The following GABRB3 variants were observed in gnomAD, a reference collection of about 807,000 sequenced individuals.
The protein encoded by GABRB3 is gamma-aminobutyric acid receptor subunit beta-3.
Under a neutral mutation model 52.1 loss-of-function variants are expected in GABRB3, and 14 were observed. The observed-to-expected ratio is 0.27, with a 90% CI of 0.18 to 0.42. The LOEUF (loss-of-function observed/expected upper bound fraction) is 0.42, where lower values mean the gene tolerates loss of function less well. GABRB3 is among the 10% of genes least tolerant of loss of function. The pLI is 1.00. For synonymous variants in GABRB3, 260 were observed against 232.3 expected, an observed-to-expected ratio of 1.12 and a Z score of -1.08; for missense variants, 307 against 609.1, an observed-to-expected ratio of 0.50 and a Z score of 5.22.
intron 3 of GABRB3, among the ~76,000 whole-genome samples, chr15:26,622,595 C>A (rs1352680952): frequency 6.6e-6 from 1 of 152,236 alleles, no homozygotes; most frequent in Non-Finnish European, 1.5e-5. Flanking sequence ...AACATCCTCA[C>A]TTGTGGACAG....
intron 3 of GABRB3, among the ~76,000 whole-genome samples, chr15:26,705,366 A>T (rs1401248254): frequency 6.6e-6 from 1 of 152,168 alleles, no homozygotes; most frequent in Non-Finnish European, 1.5e-5. Flanking sequence ...GGCACACCTG[A>T]ATTTTGAAAA....
At chr15:26,616,846 A>T (rs1335863183) in intron 4 of GABRB3, among the ~76,000 whole-genome samples, 1 of 152,148 alleles carries the variant, frequency 6.6e-6, no homozygotes, top group East Asian at 1.9e-4. Context: ...ACAGTTGTGG[A>T]ATTTATTACA....
intron 3 of GABRB3, among the ~76,000 whole-genome samples, chr15:26,744,978 ATGG>A (rs1406651534): frequency 5.3e-5 from 8 of 152,204 alleles, no homozygotes; most frequent in African/African-American, 1.9e-4. Context: ...TGCAAGAAGC[ATGG>A]TGCTAGAGAG....
intron 3 of GABRB3, chr15:26,629,245 G>A (rs1892837328): frequency 1.5e-6 from 2 of 1,357,202 alleles, no homozygotes; most frequent in Admixed American, 2.7e-5. Context: ...CAGCGCGGAA[G>A]CTTGGCCCCG....
At chr15:26,576,653 A>G (rs573395233) in intron 6 of GABRB3, among the ~76,000 whole-genome samples, 14 of 152,296 alleles carry the variant, frequency 9.2e-5, no homozygotes, top group African/African-American at 3.1e-4. Flanking sequence ...GAAAGAAAAA[A>G]GAGAGAAGAG....
intron 3 of GABRB3, among the ~76,000 whole-genome samples, chr15:26,744,948 G>C (rs182042851): frequency 7.6e-4 from 115 of 152,242 alleles, no homozygotes; most frequent in Non-Finnish European, 1.4e-3. Flanking sequence ...AGCTTAATTG[G>C]CTCACAGTTC....
intron 4 of GABRB3, among the ~76,000 whole-genome samples, chr15:26,585,832 A>C (rs1030991305): frequency 3.3e-5 from 5 of 152,192 alleles, no homozygotes; most frequent in Admixed American, 3.3e-4. Context: ...TTCCAGACTC[A>C]CACCTTTCAA....
chr15:26,739,219 T>C (rs1890141179), intron 3 of GABRB3, among the ~76,000 whole-genome samples: 1 of 151,938 alleles, frequency 6.6e-6, no homozygotes, highest in South Asian at 2.1e-4. Context: ...CCGTCCTACA[T>C]CACACTCAGT....
intron 8 of GABRB3, among the ~76,000 whole-genome samples, chr15:26,554,685 G>C (rs571278368): frequency 1.2e-4 from 18 of 152,300 alleles, no homozygotes; most frequent in Admixed American, 9.8e-4. Flanking sequence ...CCGCGTCATG[G>C]GTGTGCATAT....
At chr15:26,758,664 G>T (rs1233318253) in intron 3 of GABRB3, among the ~76,000 whole-genome samples, 1 of 152,060 alleles carries the variant, frequency 6.6e-6, no homozygotes, top group African/African-American at 2.4e-5. Context: ...AATTCTCAGA[G>T]TTGATTCTAC....
chr15:26,589,776 C>T (rs947940256), intron 4 of GABRB3, among the ~76,000 whole-genome samples: 2 of 152,148 alleles, frequency 1.3e-5, no homozygotes, highest in Admixed American at 6.5e-5. Context: ...GTACCTAGAA[C>T]GGCAGCAACC....
intron 3 of GABRB3, among the ~76,000 whole-genome samples, chr15:26,760,805 G>A (rs75831356): frequency 6.8e-4 from 12 of 17,660 alleles, no homozygotes; most frequent in East Asian, 8.1e-3. Context: ...ACACACACGC[G>A]CACGCACACA....
chr15:26,760,693 TGATA>T (rs1210846943), intron 3 of GABRB3, among the ~76,000 whole-genome samples: 2 of 151,980 alleles, frequency 1.3e-5, no homozygotes, highest in Non-Finnish European at 2.9e-5. Context: ...ATTGATTGAT[TGATA>T]TAGATACAGA....
intron 3 of GABRB3, among the ~76,000 whole-genome samples, chr15:26,689,459 G>T (rs1001818069): frequency 2.6e-5 from 4 of 152,164 alleles, no homozygotes; most frequent in Admixed American, 1.3e-4. Flanking sequence ...TGCAGAGTGA[G>T]GTGGTCAAGT....
intron 3 of GABRB3, among the ~76,000 whole-genome samples, chr15:26,740,832 T>G (rs1268634786): frequency 6.6e-6 from 1 of 152,152 alleles, no homozygotes; most frequent in Non-Finnish European, 1.5e-5. Context: ...ATGTACTCAT[T>G]CACTCTCAGA....
intron 3 of GABRB3, among the ~76,000 whole-genome samples, chr15:26,702,030 GA>G (rs1235714584): frequency 1.3e-5 from 2 of 152,086 alleles, no homozygotes; most frequent in Non-Finnish European, 2.9e-5. Flanking sequence ...ATCCATAGGC[GA>G]AAACATCCAT....
chr15:26,773,224 C>G, upstream of GABRB3: 1 of 175,120 alleles, frequency 5.7e-6, no homozygotes. Flanking sequence ...GCACCCTGCC[C>G]TCCCCCACGC....
chr15:26,629,194 G>A, intron 3 of GABRB3: 4 of 1,455,336 alleles, frequency 2.7e-6, no homozygotes, highest in Non-Finnish European at 3.6e-6. Flanking sequence ...GGAGGGCTTT[G>A]CGAAGCGGCG....
intron 3 of GABRB3, among the ~76,000 whole-genome samples, chr15:26,683,806 G>A (rs530068306): frequency 2.5e-4 from 38 of 152,198 alleles, no homozygotes; most frequent in Admixed American, 1.0e-3. Context: ...TCATGAGTGG[G>A]GACCTGGCTT....
Sources: allele counts gnomAD v4.1 joint callset (sites outside exome capture counted in the v4.1 genomes callset), GRCh38; gene constraint gnomAD v4.1.1; transcripts MANE v1.5; gene names NCBI Gene and HGNC (gene_info 2026-07-23, HGNC 2026-07-21).